ZNF502: variants seen among roughly 807,000 people sequenced by gnomAD.
ZNF502 encodes the protein zinc finger protein 502.
In ZNF502, 29 loss-of-function variants were observed where a neutral mutation model predicts 43.6. That is an observed-to-expected ratio of 0.67 (90% confidence interval 0.50 to 0.91). The LOEUF (loss-of-function observed/expected upper bound fraction) is 0.91. Among genes scored for constraint, ZNF502 ranks in the 40% least tolerant of loss-of-function variants. ZNF502 has a pLI of 0.00. For missense variants in ZNF502, 591 were observed against 647.2 expected, an observed-to-expected ratio of 0.91 and a Z score of 0.94; for synonymous variants, 171 against 207.4, an observed-to-expected ratio of 0.82 and a Z score of 1.51.
rs1253092716 is a variant in ZNF502, at chr3:44,721,624, C to A, written c.807C>A (p.Cys269Ter). ...ACACTGGAGAGAAACCTTATAAATG[C>A]AATAGGTGTGGGAAGGCATTCAATC... The part of the protein sequence containing the change: ...RIHTGEKPYK[C>*]NRCGKAFNQN... Residue 269 changes from cysteine (C) to a stop codon, truncating the protein, a stop_gained, in exon 3 of 3, where the codon TGC becomes TGA. Coordinates refer to ENST00000436624, the MANE Select transcript of ZNF502 (RefSeq NM_001134442.3). LOFTEE classifies it high-confidence loss of function. 1 of 1,613,962 alleles carries A rather than the reference C, an allele frequency of 6.2e-7. No individual in the cohort carries two copies. The highest frequency in any genetic ancestry group is 8.5e-7 in the Non-Finnish European group (1 of 1,180,008).
Position 44,721,704 on chromosome 3 carries a change from T to TA in ZNF502, c.888dup (p.Cys297MetfsTer3). The TA allele has an allele frequency of 5.0e-6, 8 of 1,608,550 alleles. No individual in the cohort carries two copies. Among genetic ancestry groups the TA allele is most frequent in the Non-Finnish European group, 6.8e-6 (8 of 1,177,444 alleles). On this transcript the variant is annotated frameshift_variant, in exon 3 of 3. Transcript: ENST00000436624. LOFTEE classifies it high-confidence loss of function. ...ATTCACACTGGTGAGAAGCCTTACATATGCAGTGAATGTGGCTCTTCTTTT... is the reference window on the plus strand; with the variant it reads ...ATTCACACTGGTGAGAAGCCTTACATAATGCAGTGAATGTGGCTCTTCTTTT...
At chr3:44,718,895 T>C (rs1359449457) in intron 1 of ZNF502, among the ~76,000 whole-genome samples, 3 of 152,082 alleles carry the variant, frequency 2.0e-5, no homozygotes, top group Non-Finnish European at 4.4e-5. Flanking sequence ...CTCTGTAGGA[T>C]TGTATAGTAG....
At position 44,722,570 on chromosome 3, in the gene ZNF502, C is replaced by CT. The variant is rs1488187224; in HGVS notation, c.*119dup. 5 of 1,321,240 alleles carry CT rather than the reference C, an allele frequency of 3.8e-6. No homozygotes were observed. The African/African-American group carries it at 4.5e-5, about 12-fold the overall frequency. 81.8% of individuals were successfully genotyped at this position (1,321,240 alleles called of 1,614,324 possible). On this transcript the variant is annotated 3_prime_UTR_variant, in exon 3 of 3. Coordinates refer to ENST00000436624, the MANE Select transcript of ZNF502 (RefSeq NM_001134442.3). ...ATGAAGGAGCCTTGGCTACTGTACT[C>CT]TGAGAGGAATGTTTCCAGAAATGGA...
intron 2 of ZNF502, 115 bp downstream of exon 2, chr3:44,720,431 G>A: frequency 9.7e-7 from 1 of 1,034,462 alleles, no homozygotes; most frequent in South Asian, 1.6e-5. Flanking sequence ...TCTCTTATAG[G>A]GATGTTGGGG....
In ZNF502 at chr3:44,721,918, T is replaced by A. The variant is rs1178217219; in HGVS notation, c.1101T>A (p.Ile367=). The change falls in exon 3 of 3, where the codon ATT becomes ATA. Residue 367 remains isoleucine (I), a synonymous_variant. Coordinates refer to ENST00000436624, the MANE Select transcript of ZNF502 (RefSeq NM_001134442.3). ...CCTTTTGTCAGAGCCCATCTCTTAT[T>A]AAACACCAGCGAATTCATACTGGAG... ...GKAFCQSPSL[I]KHQRIHTGEK... The A allele has an allele frequency of 1.9e-6, 3 of 1,614,036 alleles. No homozygotes were observed. The highest frequency in any genetic ancestry group is 1.3e-5 in the African/African-American group (1 of 74,926).
chr3:44,715,123 G>T (rs1434822987), intron 1 of ZNF502, among the ~76,000 whole-genome samples: 1 of 152,184 alleles, frequency 6.6e-6, no homozygotes, highest in Non-Finnish European at 1.5e-5. Context: ...AGAGATAAAT[G>T]TGTTAATATT....
chr3:44,720,753 C>G, intron 2 of ZNF502, 120 bp from the exon 3 acceptor site: 1 of 1,108,264 alleles, frequency 9.0e-7, no homozygotes, highest in Non-Finnish European at 1.3e-6. Context: ...GCCACACTTG[C>G]TGTTACTGGC....
intron 1 of ZNF502, among the ~76,000 whole-genome samples, chr3:44,718,462 C>T (rs1704208935): frequency 6.6e-6 from 1 of 152,186 alleles, no homozygotes; most frequent in Non-Finnish European, 1.5e-5. Context: ...GTTTCAAATC[C>T]TTATTATGGC....
In ZNF502 at chr3:44,721,834, TC is replaced by T; in HGVS notation, c.1018del (p.Gln340SerfsTer115). 6.2e-7 allele frequency: 1 copy of T among 1,614,154 alleles called. No homozygotes were observed. Among genetic ancestry groups the T allele is most frequent in the Non-Finnish European group, 8.5e-7 (1 of 1,180,008 alleles). The part of the protein sequence containing the change: ...KTFQTKANLS[Q>X]HQRIHSGEKP... ...CTTTCCAAACAAAGGCAAACCTCTC[TC>T]AGCATCAGAGAATTCATAGTGGAGA... On this transcript the variant is annotated frameshift_variant, in exon 3 of 3. Coordinates refer to ENST00000436624, the MANE Select transcript of ZNF502 (RefSeq NM_001134442.3). LOFTEE classifies it high-confidence loss of function.
chr3:44,721,125 A>G lies in ZNF502; in HGVS notation c.308A>G (p.Asn103Ser). Residue 103 changes from asparagine to serine, a missense_variant, in exon 3 of 3, where the codon AAT becomes AGT. Asn to Ser is a conservative substitution (Grantham distance 46). Transcript: ENST00000436624. ...APPEIISQGY[N>S]FEKSLLLTSS... The stretch of plus-strand genomic sequence containing the variant: ...CCTGAAATTATTAGTCAAGGATATA[A>G]TTTTGAGAAAAGCTTGCTTTTGACC... 1.9e-6 allele frequency: 3 copies of G among 1,614,192 alleles called. No individual in the cohort carries two copies. Among genetic ancestry groups the G allele is most frequent in the Non-Finnish European group, 2.5e-6 (3 of 1,180,032 alleles).
At position 44,721,899 on chromosome 3, in the gene ZNF502, GTCAGAGCCCA is replaced by G. The variant is rs2125868024; in HGVS notation, c.1085_1094del (p.Gln362LeufsTer90). ...TGTAAAGAATGTGGCAAAGCCTTTT[GTCAGAGCCCA>G]TCTCTTATTAAACACCAGCGAATTC... On this transcript the variant is annotated frameshift_variant, in exon 3 of 3. Transcript: ENST00000436624. LOFTEE classifies it high-confidence loss of function. 6.2e-7 allele frequency: 1 copy of G among 1,613,962 alleles called. No individual in the cohort carries two copies. Among genetic ancestry groups the G allele is most frequent in the South Asian group, 1.1e-5 (1 of 91,058 alleles).
intron 1 of ZNF502, among the ~76,000 whole-genome samples, chr3:44,716,910 C>G (rs1247765851): frequency 1.5e-4 from 23 of 151,662 alleles, no homozygotes; most frequent in Non-Finnish European, 2.9e-5. Context: ...ATCTTTTTTT[C>G]TTACTCATTT....
At chr3:44,714,014 G>C (rs1326859082) in intron 1 of ZNF502, among the ~76,000 whole-genome samples, 4 of 152,184 alleles carry the variant, frequency 2.6e-5, no homozygotes, top group African/African-American at 9.6e-5. Flanking sequence ...GCACTGTTTG[G>C]TGCCAAAATG....
intron 2 of ZNF502, 110 bp from the exon 3 acceptor site, chr3:44,720,763 C>T: frequency 8.1e-7 from 1 of 1,235,228 alleles, no homozygotes; most frequent in Non-Finnish European, 1.1e-6. Context: ...CTGTTACTGG[C>T]CCTTCATCAT....
intron 1 of ZNF502, among the ~76,000 whole-genome samples, chr3:44,716,171 A>G (rs1018605724): frequency 1.3e-5 from 2 of 151,526 alleles, no homozygotes; most frequent in South Asian, 4.2e-4. Flanking sequence ...TAGAATTACT[A>G]GGTCAAAGAA....
chr3:44,713,400 A>G (rs944578338), intron 1 of ZNF502, among the ~76,000 whole-genome samples: 30 of 152,362 alleles, frequency 2.0e-4, no homozygotes, highest in African/African-American at 7.0e-4. Context: ...AGACTGCCAC[A>G]TGTAAAGATG....
chr3:44,719,274 A>G (rs1684619848), intron 1 of ZNF502, among the ~76,000 whole-genome samples: 3 of 152,240 alleles, frequency 2.0e-5, no homozygotes, highest in Admixed American at 6.5e-5. Flanking sequence ...CTCCAGGCCA[A>G]GGATCTTCTT....
intron 2 of ZNF502, 42 bp downstream of exon 2, chr3:44,720,358 A>G (rs1378972539): frequency 6.2e-7 from 1 of 1,604,130 alleles, no homozygotes; most frequent in Non-Finnish European, 8.5e-7. Flanking sequence ...ATAGTCAGCC[A>G]ATAGGAAGCC....
At chr3:44,718,930 C>A (rs1704222642) in intron 1 of ZNF502, among the ~76,000 whole-genome samples, 1 of 151,606 alleles carries the variant, frequency 6.6e-6, no homozygotes, top group South Asian at 2.1e-4. Context: ...TATGTTCTTC[C>A]TGTGAATGAG....
Sources: gnomAD v4.1 joint callset for allele counts (sites outside exome capture counted in the v4.1 genomes callset) on GRCh38, gnomAD v4.1.1 for gene constraint, MANE v1.5 for transcripts, NCBI Gene and HGNC (gene_info 2026-07-23, HGNC 2026-07-21) for gene names.